The following SIPA1L1 variants were observed in gnomAD, a reference collection of about 807,000 sequenced individuals.
SIPA1L1 encodes the protein signal-induced proliferation-associated 1-like protein 1.
In SIPA1L1, 26 loss-of-function variants were observed where a neutral mutation model predicts 162.7. The ratio of observed to expected loss-of-function variants is 0.16; its 90% CI spans 0.12 to 0.22. The LOEUF (loss-of-function observed/expected upper bound fraction) is 0.22, where lower values mean the gene tolerates loss of function less well. Among genes scored for constraint, SIPA1L1 ranks in the 10% least tolerant of loss-of-function variants. The probability of loss-of-function intolerance (pLI) is 1.00; values close to 1 mark genes in which losing one functional copy is unlikely to be tolerated. For missense variants in SIPA1L1, 1,874 were observed against 2,241.0 expected, an observed-to-expected ratio of 0.84 and a Z score of 3.31; for synonymous variants, 829 against 837.4, an observed-to-expected ratio of 0.99 and a Z score of 0.17.
intron 2 of SIPA1L1, among the ~76,000 whole-genome samples, chr14:71,445,632 T>A (rs117409055): frequency 1.4e-3 from 210 of 152,310 alleles, no homozygotes; most frequent in Non-Finnish European, 2.5e-3. Context: ...TATTACACAA[T>A]TATCTCTCAA....
intron 7 of SIPA1L1, among the ~76,000 whole-genome samples, chr14:71,628,073 C>T (rs1345206099): frequency 1.3e-5 from 2 of 151,938 alleles, no homozygotes; most frequent in East Asian, 3.9e-4. Context: ...TTGCTTGAGC[C>T]CAGGAGTTCG....
chr14:71,739,821 C>CT lies in SIPA1L1; in HGVS notation c.*661dup, dbSNP rs1220709956. The CT allele has an allele frequency of 6.6e-6, 1 of 152,238 alleles. No homozygotes were observed. The highest frequency in any genetic ancestry group is 2.4e-5 in the African/African-American group (1 of 41,462). 9.4% of individuals were successfully genotyped at this position (152,238 alleles called of 1,614,324 possible). ...ACAGTGCCTGCAGGCCACACCCCTT[C>CT]TCAGTCCTGCATTGTGAGGTCATTT... On this transcript the variant is annotated 3_prime_UTR_variant, in exon 24 of 24. Transcript: ENST00000381232.
chr14:71,357,773 G>A (rs1328260619), intron 2 of SIPA1L1, among the ~76,000 whole-genome samples: 2 of 152,100 alleles, frequency 1.3e-5, no homozygotes, highest in Non-Finnish European at 1.5e-5. Context: ...TGTCACCCAC[G>A]CTGCAGTGCA....
chr14:71,427,843 A>T (rs1389918180), intron 2 of SIPA1L1, among the ~76,000 whole-genome samples: 3 of 151,034 alleles, frequency 2.0e-5, no homozygotes, highest in Non-Finnish European at 4.4e-5. Context: ...TTCTTTGTTT[A>T]TCTTTAACAT....
chr14:71,398,008 AATT>A (rs1410055015), intron 2 of SIPA1L1, among the ~76,000 whole-genome samples: 4 of 88,704 alleles, frequency 4.5e-5, no homozygotes, highest in Admixed American at 1.4e-4. Flanking sequence ...CAAAAAAAAA[AATT>A]TTTTTTTTTT....
At chr14:71,351,709 A>G (rs116970725) in intron 2 of SIPA1L1, among the ~76,000 whole-genome samples, 209 of 152,348 alleles carry the variant, frequency 1.4e-3, no homozygotes, top group Non-Finnish European at 2.5e-3. Context: ...CAGAACAACA[A>G]CCAACTTATT....
intron 5 of SIPA1L1, among the ~76,000 whole-genome samples, chr14:71,603,971 ATATATT>A (rs2037157443): frequency 7.1e-6 from 1 of 141,312 alleles, no homozygotes; most frequent in Non-Finnish European, 1.5e-5. Flanking sequence ...TTATATATAG[ATATATT>A]TATATATATT....
intron 3 of SIPA1L1, among the ~76,000 whole-genome samples, chr14:71,516,910 T>C (rs925042945): frequency 6.6e-6 from 1 of 152,114 alleles, no homozygotes; most frequent in Non-Finnish European, 1.5e-5. Flanking sequence ...GAGGTGGAGA[T>C]TGCAGTGAGC....
At chr14:71,460,042 A>G (rs890936890) in intron 2 of SIPA1L1, among the ~76,000 whole-genome samples, 2 of 152,240 alleles carry the variant, frequency 1.3e-5, no homozygotes, top group African/African-American at 4.8e-5. Context: ...ATAAATGCTG[A>G]TATGAAGTCA....
chr14:71,480,089 GT>G (rs1204137654), intron 2 of SIPA1L1, among the ~76,000 whole-genome samples: 20 of 143,264 alleles, frequency 1.4e-4, no homozygotes, highest in Admixed American at 2.1e-4. Context: ...TTTGTTTTTT[GT>G]TTTTTTTTTT....
intron 2 of SIPA1L1, among the ~76,000 whole-genome samples, chr14:71,381,243 G>A (rs974290051): frequency 3.3e-5 from 5 of 151,996 alleles, no homozygotes; most frequent in South Asian, 2.1e-4. Flanking sequence ...CAGTAGAGAC[G>A]GGGTTTCACT....
intron 4 of SIPA1L1, among the ~76,000 whole-genome samples, chr14:71,584,590 G>C (rs1242474150): frequency 6.6e-6 from 1 of 152,248 alleles, no homozygotes; most frequent in African/African-American, 2.4e-5. Flanking sequence ...TGATTTGGAT[G>C]AGAGGAGGAA....
chr14:71,534,367 G>T (rs943510073), intron 4 of SIPA1L1, among the ~76,000 whole-genome samples: 2 of 152,220 alleles, frequency 1.3e-5, no homozygotes, highest in Admixed American at 1.3e-4. Context: ...ATTAACTCGT[G>T]TAAATTATTT....
intron 11 of SIPA1L1, among the ~76,000 whole-genome samples, chr14:71,671,901 CTGTGTGTGTGTGTGTGTGTGTGTGTG>C (rs34919280): frequency 7.0e-6 from 1 of 142,592 alleles, no homozygotes; most frequent in Admixed American, 7.0e-5. Flanking sequence ...CACATTTACT[CTGTGTGTGTGTGTGTGTGTGTGTGTG>C]TGTGTGTGTG....
intron 17 of SIPA1L1, among the ~76,000 whole-genome samples, chr14:71,714,617 T>C (rs1282982536): frequency 6.6e-6 from 1 of 152,092 alleles, no homozygotes; most frequent in African/African-American, 2.4e-5. Flanking sequence ...TCCCTCATTC[T>C]GTCACTCAGG....
chr14:71,734,241 G>A (rs554304225), intron 21 of SIPA1L1, among the ~76,000 whole-genome samples: 4 of 152,192 alleles, frequency 2.6e-5, no homozygotes, highest in Non-Finnish European at 5.9e-5. Flanking sequence ...CCTCATCTCC[G>A]TGCGCGGTAG....
At chr14:71,562,037 C>A (rs1253415331) in intron 4 of SIPA1L1, among the ~76,000 whole-genome samples, 2 of 152,018 alleles carry the variant, frequency 1.3e-5, no homozygotes, top group Non-Finnish European at 2.9e-5. Flanking sequence ...TAGCCATAGA[C>A]GTCACCTCAC....
At chr14:71,631,639 G>A (rs1044511193) in intron 7 of SIPA1L1, among the ~76,000 whole-genome samples, 5 of 152,106 alleles carry the variant, frequency 3.3e-5, no homozygotes, top group Non-Finnish European at 7.4e-5. Context: ...TTTACATTAT[G>A]CCAAAGATAA....
chr14:71,648,835 T>C (rs1186243286), intron 7 of SIPA1L1, among the ~76,000 whole-genome samples: 2 of 152,364 alleles, frequency 1.3e-5, no homozygotes, highest in Admixed American at 6.5e-5. Flanking sequence ...GGTTGAGTTC[T>C]GGTGATAGTT....
Sources: allele counts gnomAD v4.1 joint callset (sites outside exome capture counted in the v4.1 genomes callset), GRCh38; gene constraint gnomAD v4.1.1; transcripts MANE v1.5; gene names NCBI Gene and HGNC (gene_info 2026-07-23, HGNC 2026-07-21).